TRAPPC9: variants seen among roughly 807,000 people sequenced by gnomAD.
TRAPPC9 encodes IKK2 binding protein.
A neutral mutation model predicts 124.0 loss-of-function variants in TRAPPC9; 83 were observed. That is an observed-to-expected ratio of 0.67 (90% CI 0.56 to 0.80). TRAPPC9 has a LOEUF of 0.80. Among genes scored for constraint, TRAPPC9 ranks in the 30% least tolerant of loss-of-function variants. The probability of loss-of-function intolerance (pLI) is 0.00; values close to 1 mark genes in which losing one functional copy is unlikely to be tolerated. For missense variants in TRAPPC9, 1,302 were observed against 1,508.3 expected (o/e 0.86, Z 2.27); for synonymous variants, 638 against 617.5 (o/e 1.03, Z -0.49).
chr8:140,156,432 CTCTGTG>C (rs1262416925), intron 17 of TRAPPC9, among the ~76,000 whole-genome samples: 1 of 152,220 alleles, frequency 6.6e-6, no homozygotes, highest in African/African-American at 2.4e-5. Flanking sequence ...TACAAAAGTA[CTCTGTG>C]AAACTTGGGT....
In TRAPPC9 at chr8:140,271,097, C is replaced by T. The variant is rs34281519; in HGVS notation, c.2278+4561G>A. Among the ~76,000 whole-genome samples, 1,106 of 152,280 alleles carry T rather than the reference C, an allele frequency of 7.3e-3. 8 individuals are homozygous for T. Among genetic ancestry groups the T allele is most frequent in the Non-Finnish European group, 0.012 (817 of 68,008 alleles). On this transcript the variant is annotated intron_variant, in intron 15 of 22. Transcript: ENST00000438773. Reference sequence around the variant, plus strand: ...CAGGAGATGTGAGAAAAGTTTGCCACGTAGACTGTAATTTTCTGTAATTCA... The same window carrying T: ...CAGGAGATGTGAGAAAAGTTTGCCATGTAGACTGTAATTTTCTGTAATTCA...
chr8:140,146,864 C>A (rs78056115), intron 17 of TRAPPC9, among the ~76,000 whole-genome samples: 901 of 124,130 alleles, frequency 7.3e-3, no homozygotes, highest in Non-Finnish European at 7.5e-3. Context: ...GTTTTCTAAC[C>A]AAAAAAAAAA....
intron 19 of TRAPPC9, among the ~76,000 whole-genome samples, chr8:139,946,718 C>T (rs1198528267): frequency 2.6e-5 from 4 of 151,062 alleles, no homozygotes; most frequent in African/African-American, 4.9e-5. Context: ...CAGTGGCTCA[C>T]GCCTGAAATC....
chr8:139,942,125 C>T (rs935339005), intron 19 of TRAPPC9, among the ~76,000 whole-genome samples: 2 of 152,224 alleles, frequency 1.3e-5, no homozygotes, highest in Admixed American at 6.5e-5. Flanking sequence ...ACTGGGCTGA[C>T]GGATATGAGA....
chr8:140,262,961 A>G (rs1424906475), intron 15 of TRAPPC9, among the ~76,000 whole-genome samples: 1 of 152,208 alleles, frequency 6.6e-6, no homozygotes, highest in Non-Finnish European at 1.5e-5. Flanking sequence ...GACATCTGGG[A>G]GTGAGCAAAG....
At chr8:140,288,092 AC>A (rs1241266832) in intron 12 of TRAPPC9, among the ~76,000 whole-genome samples, 2 of 152,216 alleles carry the variant, frequency 1.3e-5, no homozygotes, top group African/African-American at 4.8e-5. Context: ...TGTAATCCCA[AC>A]ACTTTGGGAG....
rs181775474 is a variant in TRAPPC9 at position 140,343,541 on chromosome 8, C to T, written c.1495+16509G>A. On this transcript the variant is annotated intron_variant, in intron 9 of 22. Coordinates refer to ENST00000438773, the MANE Select transcript of TRAPPC9 (RefSeq NM_001160372.4). Reference sequence around the variant, plus strand: ...AGGGGTGACAAGGCAGCAAAGGTGACTCTGCACATTTCACTTCCTAACCAG... The same window carrying T: ...AGGGGTGACAAGGCAGCAAAGGTGATTCTGCACATTTCACTTCCTAACCAG... Among the ~76,000 whole-genome samples the T allele has an allele frequency of 3.3e-5, 5 of 152,292 alleles. No homozygotes were observed. The East Asian group carries it at 7.7e-4, about 24-fold the overall frequency.
chr8:139,813,263 T>A (rs1824568917), intron 21 of TRAPPC9, among the ~76,000 whole-genome samples: 1 of 152,172 alleles, frequency 6.6e-6, no homozygotes, highest in Admixed American at 6.5e-5. Flanking sequence ...CTCAGTTTCC[T>A]CCTCTTAAAA....
chr8:139,786,252 T>G (rs1181188984), intron 21 of TRAPPC9, among the ~76,000 whole-genome samples: 1 of 151,186 alleles, frequency 6.6e-6, no homozygotes, highest in Non-Finnish European at 1.5e-5. Context: ...GGCAAAAGAG[T>G]TGATAGACGC....
chr8:140,434,348 A>G (rs1348089143), intron 4 of TRAPPC9, among the ~76,000 whole-genome samples: 1 of 152,218 alleles, frequency 6.6e-6, no homozygotes, highest in Non-Finnish European at 1.5e-5. Context: ...TTCATTCAGC[A>G]TTCGTGGGTC....
At chr8:140,207,995 T>C (rs2062967211) in intron 17 of TRAPPC9, among the ~76,000 whole-genome samples, 1 of 151,952 alleles carries the variant, frequency 6.6e-6, no homozygotes, top group Admixed American at 6.6e-5. Flanking sequence ...CTACTAAAAA[T>C]ACAAAATTAG....
intron 21 of TRAPPC9, among the ~76,000 whole-genome samples, chr8:139,780,386 T>C (rs138024844): frequency 6.6e-6 from 1 of 152,142 alleles, no homozygotes; most frequent in Non-Finnish European, 1.5e-5. Context: ...CATGTCTGTA[T>C]CATAAACTCT....
intron 21 of TRAPPC9, among the ~76,000 whole-genome samples, chr8:139,754,716 C>T (rs941904233): frequency 1.3e-5 from 2 of 152,202 alleles, no homozygotes; most frequent in African/African-American, 2.4e-5. Context: ...GAAGGTGCTG[C>T]GTGCCAGCCT....
intron 21 of TRAPPC9, among the ~76,000 whole-genome samples, chr8:139,774,280 T>C (rs1466913482): frequency 6.6e-6 from 1 of 151,426 alleles, no homozygotes; most frequent in Non-Finnish European, 1.5e-5. Context: ...TGACACCGAG[T>C]AGGGACAGGT....
At chr8:140,024,115 C>G in intron 17 of TRAPPC9, 36 bp from the exon 18 acceptor site, 1 of 1,606,018 alleles carries the variant, frequency 6.2e-7, no homozygotes, top group Non-Finnish European at 8.5e-7. Context: ...CACACACACA[C>G]ATTAGTAACT....
At chr8:139,759,457 G>T (rs979145470) in intron 21 of TRAPPC9, among the ~76,000 whole-genome samples, 12 of 152,198 alleles carry the variant, frequency 7.9e-5, no homozygotes, top group Non-Finnish European at 1.5e-4. Flanking sequence ...GTCAAGGCTG[G>T]TGTCCTGGGC....
intron 20 of TRAPPC9, among the ~76,000 whole-genome samples, chr8:139,909,929 C>A (rs1315751362): frequency 6.6e-6 from 1 of 152,242 alleles, no homozygotes; most frequent in East Asian, 1.9e-4. Context: ...TCCGAGAAGA[C>A]CTTTCCTCGC....
At position 140,157,044 on chromosome 8, in the gene TRAPPC9, TTTTCCATTCAAAAGCCTCCC is replaced by T. The variant is rs1563804333; in HGVS notation, c.2556+64395_2556+64414del. ...TCCCTTTTCCATTCAAAAGCCTCCC[TTTTCCATTCAAAAGCCTCCC>T]TTTCCATTCAAAAGCCTCCCTTTTC... On this transcript the variant is annotated intron_variant, in intron 17 of 22. Coordinates refer to ENST00000438773, the MANE Select transcript of TRAPPC9 (RefSeq NM_001160372.4). Among the ~76,000 whole-genome samples the T allele has an allele frequency of 1.9e-3, 50 of 26,602 alleles. 4 individuals are homozygous for T. The highest frequency in any genetic ancestry group is 2.4e-3 in the Non-Finnish European group (35 of 14,374). The allele number at this position is 26,602 out of a possible 152,430, so 17.5% of individuals were successfully genotyped here. A position where few individuals can be genotyped will look rare whatever the true frequency, so the allele number is the denominator to read the frequency against.
chr8:139,963,303 T>G (rs1442581232), intron 19 of TRAPPC9, among the ~76,000 whole-genome samples: 1 of 152,144 alleles, frequency 6.6e-6, no homozygotes, highest in East Asian at 1.9e-4. Context: ...GTCTGCCTCC[T>G]TCTAAGCCCG....
Sources: gnomAD v4.1 joint callset for allele counts (sites outside exome capture counted in the v4.1 genomes callset) on GRCh38, gnomAD v4.1.1 for gene constraint, MANE v1.5 for transcripts, NCBI Gene and HGNC (gene_info 2026-07-23, HGNC 2026-07-21) for gene names.